PCDHGA10: variants seen among roughly 807,000 people sequenced by gnomAD.
PCDHGA10 encodes protocadherin gamma subfamily A, 10.
In PCDHGA10, 42 loss-of-function variants were observed where a neutral mutation model predicts 59.5. That is an observed-to-expected ratio of 0.71 (90% CI 0.55 to 0.91). The LOEUF is 0.91. Ranked by LOEUF, PCDHGA10 falls within the 40% of genes least tolerant of loss-of-function variation. The probability of loss-of-function intolerance (pLI) is 0.00; values close to 1 mark genes in which losing one functional copy is unlikely to be tolerated. For synonymous variants in PCDHGA10, 511 were observed against 517.2 expected, an observed-to-expected ratio of 0.99 and a Z score of 0.16; for missense variants, 1,111 against 1,198.2, an observed-to-expected ratio of 0.93 and a Z score of 1.07.
chr5:141,433,703 G>T (rs1561871157), intron 1 of PCDHGA10, among the ~76,000 whole-genome samples: 1 of 152,098 alleles, frequency 6.6e-6, no homozygotes, highest in Non-Finnish European at 1.5e-5. Flanking sequence ...CGGGCGTGGT[G>T]GTGCATGTCT....
In PCDHGA10 at chr5:141,485,539, G is replaced by T; in HGVS notation, c.2437-9268G>T. 6.2e-7 allele frequency: 1 copy of T among 1,614,104 alleles called. No individual in the cohort carries two copies. Among genetic ancestry groups the T allele is most frequent in the Non-Finnish European group, 8.5e-7 (1 of 1,179,998 alleles). On this transcript the variant is annotated intron_variant, in intron 1 of 3. Coordinates refer to ENST00000398610, the MANE Select transcript of PCDHGA10 (RefSeq NM_018913.3). This position sits in a 1 kb window ranked among gnomAD's most constrained non-coding sequence, Gnocchi z 5.7. ...TGGAAATGTACCGAGCAGAGGTAGA[G>T]ATCGTAGATGTGAATGATCACGCCC...
chr5:141,485,124 C>T lies in PCDHGA10; in HGVS notation c.2437-9683C>T. The T allele has an allele frequency of 7.2e-7, 1 of 1,390,146 alleles. No individual in the cohort carries two copies. The highest frequency in any genetic ancestry group is 1.0e-6 in the Non-Finnish European group (1 of 990,090). The allele number at this position is 1,390,146 out of a possible 1,614,324, so 86.1% of individuals were successfully genotyped here. ...GCTGCTGTGGCTGTTTGGGGCGGGT[C>T]GGCTTCATCCGCGTCTCAGGAGCAA... On this transcript the variant is annotated intron_variant, in intron 1 of 3. Coordinates refer to ENST00000398610, the MANE Select transcript of PCDHGA10 (RefSeq NM_018913.3). The surrounding 1 kb of genome is among the most constrained non-coding windows in gnomAD (Gnocchi z 5.7).
At position 141,493,904 on chromosome 5, in the gene PCDHGA10, G is replaced by A. The variant is rs1204744465; in HGVS notation, c.2437-903G>A. Among the ~76,000 whole-genome samples, 1 of 152,216 alleles carries A rather than the reference G, an allele frequency of 6.6e-6. No individual in the cohort carries two copies. Among genetic ancestry groups the A allele is most frequent in the Non-Finnish European group, 1.5e-5 (1 of 68,028 alleles). On this transcript the variant is annotated intron_variant, in intron 1 of 3. Transcript: ENST00000398610. The surrounding 1 kb of genome is among the most constrained non-coding windows in gnomAD (Gnocchi z 4.3). ...GGCTCTAGGAGTGCTCCATGAGAGT[G>A]TGTGATGGGATAACACACCCCCTGG...
intron 1 of PCDHGA10, among the ~76,000 whole-genome samples, chr5:141,425,691 T>C (rs1411905655): frequency 6.6e-6 from 1 of 152,238 alleles, no homozygotes. Context: ...TGCATATCAT[T>C]TCATAGTGGT....
chr5:141,432,685 C>T lies in PCDHGA10; in HGVS notation c.2436+17074C>T, dbSNP rs1561863583. 1 of 1,613,932 alleles carries T rather than the reference C, an allele frequency of 6.2e-7. No individual in the cohort carries two copies. The highest frequency in any genetic ancestry group is 1.7e-5 in the Admixed American group (1 of 60,020). ...ACAGAGACGCGCTCAAGCAGAGCCT[C>T]GTAGTGGCCGTCCAGGACCACGGCC... On this transcript the variant is annotated intron_variant, in intron 1 of 3. Coordinates refer to ENST00000398610, the MANE Select transcript of PCDHGA10 (RefSeq NM_018913.3). This position sits in a 1 kb window ranked among gnomAD's most constrained non-coding sequence, Gnocchi z 6.0.
intron 2 of PCDHGA10, among the ~76,000 whole-genome samples, chr5:141,503,940 C>G (rs890249753): frequency 6.6e-6 from 1 of 152,218 alleles, no homozygotes; most frequent in Non-Finnish European, 1.5e-5. Flanking sequence ...TTCATGCCTT[C>G]AAGGCCTACC....
chr5:141,460,987 A>G (rs201722325), intron 1 of PCDHGA10, among the ~76,000 whole-genome samples: 34 of 92,988 alleles, frequency 3.7e-4, no homozygotes, highest in Middle Eastern at 5.0e-3. Flanking sequence ...GTGTGTGTAT[A>G]TATATATATG....
chr5:141,435,883 C>A (rs1458527952), intron 1 of PCDHGA10, among the ~76,000 whole-genome samples: 1 of 152,020 alleles, frequency 6.6e-6, no homozygotes, highest in African/African-American at 2.4e-5. Flanking sequence ...GATTGGAAAC[C>A]CCTTAGAGAA....
At chr5:141,507,474 C>T (rs774159694) in intron 3 of PCDHGA10, among the ~76,000 whole-genome samples, 2 of 152,196 alleles carry the variant, frequency 1.3e-5, no homozygotes, top group Non-Finnish European at 2.9e-5. Flanking sequence ...GCAGGGACTG[C>T]TGGCCTCCTG....
intron 2 of PCDHGA10, among the ~76,000 whole-genome samples, chr5:141,496,582 G>C (rs991035985): frequency 6.6e-6 from 1 of 152,100 alleles, no homozygotes; most frequent in Non-Finnish European, 1.5e-5. Flanking sequence ...TTTTAGGAAC[G>C]CAAAGCGCTT....
chr5:141,506,471 C>T (rs2099854191), intron 3 of PCDHGA10, among the ~76,000 whole-genome samples: 2 of 148,834 alleles, frequency 1.3e-5, no homozygotes, highest in African/African-American at 5.0e-5. Flanking sequence ...AAAAAGAGCA[C>T]AGGCTTTAGA....
intron 1 of PCDHGA10, among the ~76,000 whole-genome samples, chr5:141,457,900 A>C (rs2098931922): frequency 6.7e-6 from 1 of 149,818 alleles, no homozygotes; most frequent in Admixed American, 6.6e-5. Context: ...CTGTGTAGAC[A>C]AGGTGTGAGG....
At chr5:141,436,950 C>A (rs894702404) in intron 1 of PCDHGA10, among the ~76,000 whole-genome samples, 3 of 152,138 alleles carry the variant, frequency 2.0e-5, no homozygotes, top group African/African-American at 7.2e-5. Flanking sequence ...ATAGTGAAAT[C>A]TAAACAAGGA....
At chr5:141,483,670 A>G (rs1158511173) in intron 1 of PCDHGA10, among the ~76,000 whole-genome samples, 1 of 138,404 alleles carries the variant, frequency 7.2e-6, no homozygotes, top group African/African-American at 3.1e-5. Context: ...GTGTGTGTGT[A>G]AAAGAACACA....
At chr5:141,450,225 C>A (rs1294362576) in intron 1 of PCDHGA10, among the ~76,000 whole-genome samples, 1 of 151,976 alleles carries the variant, frequency 6.6e-6, no homozygotes, top group Non-Finnish European at 1.5e-5. Flanking sequence ...ACTATGTTGG[C>A]CAGGCTAGTC....
chr5:141,486,987 G>C lies in PCDHGA10; in HGVS notation c.2437-7820G>C, dbSNP rs1327158531. ...GACTTGGATTCAGGTTACAATGCTTGGGTTTCCTATCAGCTCCTGGAGGCC... is the reference window on the plus strand; with the variant it reads ...GACTTGGATTCAGGTTACAATGCTTCGGTTTCCTATCAGCTCCTGGAGGCC... On this transcript the variant is annotated intron_variant, in intron 1 of 3. Transcript: ENST00000398610. The surrounding 1 kb of genome is among the most constrained non-coding windows in gnomAD (Gnocchi z 5.0). The C allele has an allele frequency of 6.2e-7, 1 of 1,614,144 alleles. No homozygotes were observed. Among genetic ancestry groups the C allele is most frequent in the Admixed American group, 1.7e-5 (1 of 60,020 alleles).
chr5:141,445,363 T>C (rs186841717), intron 1 of PCDHGA10, among the ~76,000 whole-genome samples: 9 of 152,284 alleles, frequency 5.9e-5, no homozygotes. Context: ...CCAAGTCTGG[T>C]CCTGGGTGGT....
intron 1 of PCDHGA10, chr5:141,424,465 A>G (rs564844819): frequency 1.3e-5 from 2 of 152,146 alleles, no homozygotes; most frequent in Admixed American, 6.5e-5. Context: ...ATTTCCTTTT[A>G]TTCTTTTACT....
chr5:141,440,075 T>C (rs2098148518), intron 1 of PCDHGA10: 1 of 152,428 alleles, frequency 6.6e-6, no homozygotes, highest in Non-Finnish European at 1.5e-5. Flanking sequence ...TGAGGAATAA[T>C]ACTTCATTCT....
Sources: gnomAD v4.1 joint callset for allele counts (sites outside exome capture counted in the v4.1 genomes callset) on GRCh38, gnomAD v4.1.1 for gene constraint, Gnocchi (gnomAD v3.1) non-coding constraint, MANE v1.5 for transcripts, NCBI Gene and HGNC (gene_info 2026-07-23, HGNC 2026-07-21) for gene names.